KCND2: variants seen among roughly 807,000 people sequenced by gnomAD.
KCND2 encodes A-type voltage-gated potassium channel KCND2.
KCND2 carries 16 observed loss-of-function variants against 54.4 expected under a neutral mutation model. That is an observed-to-expected ratio of 0.29 (90% CI 0.20 to 0.45). The LOEUF (loss-of-function observed/expected upper bound fraction) is 0.45, where lower values mean the gene tolerates loss of function less well. Among genes scored for constraint, KCND2 ranks in the 20% least tolerant of loss-of-function variants. The probability of loss-of-function intolerance (pLI) is 1.00; values close to 1 mark genes in which losing one functional copy is unlikely to be tolerated. For missense variants in KCND2, 486 were observed against 824.2 expected, an observed-to-expected ratio of 0.59 and a Z score of 5.02; for synonymous variants, 317 against 310.7, an observed-to-expected ratio of 1.02 and a Z score of -0.21.
rs1009981703 is a variant in KCND2 at position 120,286,314 on chromosome 7, T to C, written c.1115+10567T>C. 3.2e-4 allele frequency among the ~76,000 whole-genome samples: 49 copies of C among 152,070 alleles called. 1 individual carries two copies. Among genetic ancestry groups the C allele is most frequent in the African/African-American group, 1.2e-3 (48 of 41,566 alleles). On this transcript the variant is annotated intron_variant, in intron 1 of 5. Transcript: ENST00000331113. ...ACACCAATACAAAAATGTACAGATG[T>C]GTAAATCAATATTATATACAGATGC... is the stretch of plus-strand genomic sequence containing the variant.
At chr7:120,551,804 A>G (rs1440700647) in intron 1 of KCND2, among the ~76,000 whole-genome samples, 1 of 152,188 alleles carries the variant, frequency 6.6e-6, no homozygotes, top group African/African-American at 2.4e-5. Context: ...TATTCATGGG[A>G]TGTTCATTTT....
chr7:120,529,905 A>G (rs1385759556), intron 1 of KCND2, among the ~76,000 whole-genome samples: 1 of 152,026 alleles, frequency 6.6e-6, no homozygotes, highest in Non-Finnish European at 1.5e-5. Context: ...AACAGGATGA[A>G]ACTCTGTCTC....
chr7:120,474,080 T>C (rs991169251), intron 1 of KCND2, among the ~76,000 whole-genome samples: 1 of 152,200 alleles, frequency 6.6e-6, no homozygotes, highest in Admixed American at 6.5e-5. Context: ...CCTGTGGCAC[T>C]CTGTGGTCTT....
At chr7:120,517,291 AT>A (rs1184102263) in intron 1 of KCND2, among the ~76,000 whole-genome samples, 1 of 152,084 alleles carries the variant, frequency 6.6e-6, no homozygotes, top group Non-Finnish European at 1.5e-5. Context: ...AGTCAGTATC[AT>A]TTTTAGATAA....
In KCND2 at chr7:120,521,089, A is replaced by T. The variant is rs145837147; in HGVS notation, c.1116-211814A>T. Among the ~76,000 whole-genome samples the T allele has an allele frequency of 4.1e-3, 632 of 152,308 alleles. 2 individuals are homozygous for T. The highest frequency in any genetic ancestry group is 7.5e-3 in the Non-Finnish European group (513 of 68,008). ...TACACTTTAGAAAGAGAGTCATTAA[A>T]GGACAGTAGTTTTCTGCAGATTAAG... On this transcript the variant is annotated intron_variant, in intron 1 of 5. Coordinates refer to ENST00000331113, the MANE Select transcript of KCND2 (RefSeq NM_012281.3).
chr7:120,598,091 T>A (rs1792768567), intron 1 of KCND2, among the ~76,000 whole-genome samples: 1 of 151,154 alleles, frequency 6.6e-6, no homozygotes, highest in African/African-American at 2.4e-5. Context: ...AAAAAAAAAC[T>A]AAAGAAAAAC....
Position 120,399,366 on chromosome 7 carries a change from AC to A in KCND2, c.1115+123620del, listed in dbSNP as rs556904605. 1.3e-3 allele frequency among the ~76,000 whole-genome samples: 204 copies of A among 151,324 alleles called. 2 individuals are homozygous for A. The highest frequency in any genetic ancestry group is 4.8e-3 in the African/African-American group (200 of 41,456). On this transcript the variant is annotated intron_variant, in intron 1 of 5. Coordinates refer to ENST00000331113, the MANE Select transcript of KCND2 (RefSeq NM_012281.3). ...TTCTTACATTACATAAGAGAAAAAAACATAGAGAAAAAAACATTAGAGGAAA... is the reference window on the plus strand; with the variant it reads ...TTCTTACATTACATAAGAGAAAAAAAATAGAGAAAAAAACATTAGAGGAAA...
At chr7:120,671,279 T>A (rs967972318) in intron 1 of KCND2, among the ~76,000 whole-genome samples, 1 of 152,040 alleles carries the variant, frequency 6.6e-6, no homozygotes, top group African/African-American at 2.4e-5. Flanking sequence ...ATCCCTTGCA[T>A]GTACAGTTCA....
At chr7:120,386,012 T>C (rs903882889) in intron 1 of KCND2, among the ~76,000 whole-genome samples, 5 of 152,156 alleles carry the variant, frequency 3.3e-5, no homozygotes, top group Non-Finnish European at 7.4e-5. Flanking sequence ...CTTGACACTT[T>C]TTTGTATTGA....
intron 1 of KCND2, among the ~76,000 whole-genome samples, chr7:120,346,733 C>A (rs1469905963): frequency 6.6e-6 from 1 of 151,884 alleles, no homozygotes; most frequent in Non-Finnish European, 1.5e-5. Context: ...TTCTCTAAAT[C>A]CCTTTATATT....
chr7:120,737,060 ACACACAC>A (rs1562924272), intron 2 of KCND2, among the ~76,000 whole-genome samples: 51 of 144,656 alleles, frequency 3.5e-4, no homozygotes, highest in African/African-American at 1.2e-3. Flanking sequence ...ACACACACAC[ACACACAC>A]ACACACACAA....
At chr7:120,501,481 T>C (rs1288200786) in intron 1 of KCND2, among the ~76,000 whole-genome samples, 1 of 152,176 alleles carries the variant, frequency 6.6e-6, no homozygotes, top group African/African-American at 2.4e-5. Flanking sequence ...CATTTGCCAA[T>C]GCAATGGCAA....
rs547824116 is a variant in KCND2, at chr7:120,515,273, A to G, written c.1116-217630A>G. Reference sequence around the variant, plus strand: ...AGTATTCCTTCATGGCTCAGTGGAAACACATATATTTTGTGAAGCCCTCCC... The same window carrying G: ...AGTATTCCTTCATGGCTCAGTGGAAGCACATATATTTTGTGAAGCCCTCCC... On this transcript the variant is annotated intron_variant, in intron 1 of 5. Coordinates refer to ENST00000331113, the MANE Select transcript of KCND2 (RefSeq NM_012281.3). 3.3e-5 allele frequency among the ~76,000 whole-genome samples: 5 copies of G among 152,196 alleles called. No homozygotes were observed. In the South Asian group the frequency reaches 6.2e-4, roughly 19 times the overall value.
At chr7:120,380,405 G>A (rs576081883) in intron 1 of KCND2, among the ~76,000 whole-genome samples, 3 of 152,078 alleles carry the variant, frequency 2.0e-5, no homozygotes, top group South Asian at 2.1e-4. Flanking sequence ...CAGAGAGTGT[G>A]TAGGTGATGA....
At chr7:120,650,649 T>G (rs969253398) in intron 1 of KCND2, among the ~76,000 whole-genome samples, 1 of 144,100 alleles carries the variant, frequency 6.9e-6, no homozygotes, top group Admixed American at 6.7e-5. Flanking sequence ...TTTGTTCCAT[T>G]GCTGGCGAGG....
intron 1 of KCND2, among the ~76,000 whole-genome samples, chr7:120,543,943 G>T (rs1319220851): frequency 5.3e-5 from 8 of 151,902 alleles, no homozygotes; most frequent in Admixed American, 5.3e-4. Context: ...AACTGGGATA[G>T]ACCATGGCCC....
intron 1 of KCND2, among the ~76,000 whole-genome samples, chr7:120,643,119 T>G (rs1793398237): frequency 6.6e-6 from 1 of 152,204 alleles, no homozygotes; most frequent in African/African-American, 2.4e-5. Context: ...CAGTACATAC[T>G]GATATCTTTT....
chr7:120,396,940 C>T (rs1435818315), intron 1 of KCND2, among the ~76,000 whole-genome samples: 2 of 152,008 alleles, frequency 1.3e-5, no homozygotes, highest in East Asian at 3.9e-4. Flanking sequence ...AAATGTCCCT[C>T]TAGGCTTTGG....
chr7:120,486,462 T>C (rs1394794112), intron 1 of KCND2, among the ~76,000 whole-genome samples: 1 of 152,000 alleles, frequency 6.6e-6, no homozygotes, highest in Non-Finnish European at 1.5e-5. Context: ...GGAAGATTGA[T>C]TGAAAATTAA....
Sources: gnomAD v4.1 joint callset for allele counts (sites outside exome capture counted in the v4.1 genomes callset) on GRCh38, gnomAD v4.1.1 for gene constraint, MANE v1.5 for transcripts, NCBI Gene and HGNC (gene_info 2026-07-23, HGNC 2026-07-21) for gene names.